CNTLN: variants seen among roughly 807,000 people sequenced by gnomAD.
CNTLN encodes centlein.
In CNTLN, 212 loss-of-function variants were observed where a neutral mutation model predicts 180.0. That is an observed-to-expected ratio of 1.18 (90% confidence interval 1.05 to 1.32). The LOEUF is 1.32. Among genes scored for constraint, CNTLN ranks in the 40% most tolerant of loss-of-function variants. The probability of loss-of-function intolerance (pLI) is 0.00; values close to 1 mark genes in which losing one functional copy is unlikely to be tolerated. For missense variants in CNTLN, 2,095 were observed against 1,610.9 expected, an observed-to-expected ratio of 1.30 and a Z score of -5.14; for synonymous variants, 722 against 563.1, an observed-to-expected ratio of 1.28 and a Z score of -3.99.
chr9:17,464,488 T>G lies in CNTLN; in HGVS notation c.3405-9T>G. ...TGTCACTCTTGATGTCACCTTTTTT[T>G]TTTTCAAGGATATCTCGAATGGAGA... On this transcript the variant is annotated splice_polypyrimidine_tract_variant and intron_variant, in intron 20 of 25. Coordinates refer to ENST00000380647, the MANE Select transcript of CNTLN (RefSeq NM_017738.4). The G allele has an allele frequency of 6.5e-7, 1 of 1,537,938 alleles. No homozygotes were observed. Among genetic ancestry groups the G allele is most frequent in the South Asian group, 1.3e-5 (1 of 78,680 alleles).
chr9:17,150,278 T>C (rs1052198447), intron 2 of CNTLN, among the ~76,000 whole-genome samples: 3 of 152,234 alleles, frequency 2.0e-5, no homozygotes, highest in Non-Finnish European at 4.4e-5. Context: ...ATTTTTATGG[T>C]CCTAGGTCTT....
chr9:17,363,499 G>GC (rs1823570562), intron 12 of CNTLN, among the ~76,000 whole-genome samples: 1 of 139,968 alleles, frequency 7.1e-6, no homozygotes, highest in South Asian at 2.3e-4. Flanking sequence ...ATTTGATACA[G>GC]TTTTTTTTTT....
chr9:17,242,450 G>C (rs573118293), intron 5 of CNTLN, among the ~76,000 whole-genome samples: 5 of 152,252 alleles, frequency 3.3e-5, no homozygotes, highest in Admixed American at 2.0e-4. Flanking sequence ...TGGGATCACA[G>C]GTATGCACCA....
At chr9:17,422,228 G>A (rs1240194264) in intron 18 of CNTLN, among the ~76,000 whole-genome samples, 1 of 152,110 alleles carries the variant, frequency 6.6e-6, no homozygotes, top group Non-Finnish European at 1.5e-5. Context: ...TTCCTGGCCT[G>A]TAAGGTTTCC....
chr9:17,512,118 C>T, the CNTLN span, among the ~76,000 whole-genome samples: 1 of 152,114 alleles, frequency 6.6e-6, no homozygotes, highest in Non-Finnish European at 1.5e-5. Context: ...AAACCAGTGT[C>T]AGAAATCTAC....
chr9:17,527,368 C>G, the CNTLN span, among the ~76,000 whole-genome samples: 1 of 152,160 alleles, frequency 6.6e-6, no homozygotes, highest in Non-Finnish European at 1.5e-5. Context: ...AAAACTAAAA[C>G]TTTTCAAGCA....
chr9:17,265,441 G>C (rs1420740331), intron 5 of CNTLN, among the ~76,000 whole-genome samples: 9 of 152,148 alleles, frequency 5.9e-5, no homozygotes, highest in Admixed American at 5.9e-4. Context: ...GATTCGGTTT[G>C]CCAGTATTTT....
intron 14 of CNTLN, among the ~76,000 whole-genome samples, chr9:17,392,120 A>T (rs1826161185): frequency 6.6e-6 from 1 of 152,154 alleles, no homozygotes; most frequent in South Asian, 2.1e-4. Context: ...ATAAAAAATT[A>T]GCCAAGTGTG....
intron 2 of CNTLN, among the ~76,000 whole-genome samples, chr9:17,151,351 C>A (rs80235935): frequency 6.6e-6 from 1 of 152,138 alleles, no homozygotes; most frequent in Non-Finnish European, 1.5e-5. Context: ...GAGTTTTTGG[C>A]ATGAATAGGT....
intron 2 of CNTLN, among the ~76,000 whole-genome samples, chr9:17,151,642 C>T (rs1215951526): frequency 2.0e-5 from 3 of 152,070 alleles, no homozygotes; most frequent in African/African-American, 7.2e-5. Flanking sequence ...GTGTCTCTGC[C>T]AGGTTTTGGT....
chr9:17,340,241 A>C (rs1292629708), intron 10 of CNTLN, among the ~76,000 whole-genome samples: 1 of 152,204 alleles, frequency 6.6e-6, no homozygotes, highest in Non-Finnish European at 1.5e-5. Flanking sequence ...CTTGTTTTAT[A>C]ACCTCTTTAA....
chr9:17,462,029 A>G (rs1353649402), intron 19 of CNTLN, among the ~76,000 whole-genome samples: 2 of 152,020 alleles, frequency 1.3e-5, no homozygotes, highest in East Asian at 3.9e-4. Context: ...AAGTAGCATT[A>G]TTAATAACTT....
chr9:17,135,469 GC>G, intron 1 of CNTLN, 44 bp downstream of exon 1: 2 of 1,552,600 alleles, frequency 1.3e-6, no homozygotes, highest in Non-Finnish European at 1.7e-6. Context: ...CCACAGCGGG[GC>G]CGGGACCCGT....
chr9:17,321,327 T>G (rs931737528), intron 8 of CNTLN, among the ~76,000 whole-genome samples: 2 of 152,216 alleles, frequency 1.3e-5, no homozygotes, highest in African/African-American at 4.8e-5. Flanking sequence ...TACCTCTTTC[T>G]GCATTAGCAG....
At chr9:17,331,298 T>A (rs1019868534) in intron 9 of CNTLN, among the ~76,000 whole-genome samples, 1 of 151,678 alleles carries the variant, frequency 6.6e-6, no homozygotes, top group African/African-American at 2.4e-5. Context: ...TTTTATAGAT[T>A]TAAAGGGATA....
At chr9:17,518,382 C>T in the CNTLN span, among the ~76,000 whole-genome samples, 6 of 152,044 alleles carry the variant, frequency 3.9e-5, no homozygotes, top group Non-Finnish European at 8.8e-5. Context: ...ATGCAGTATA[C>T]TGTTTATGTG....
chr9:17,180,346 T>TTATTA (rs57685282), intron 2 of CNTLN, among the ~76,000 whole-genome samples: 7,470 of 145,574 alleles, frequency 0.051, 252 homozygotes, highest in East Asian at 0.19. Context: ...GTTGCTCTAA[T>TTATTA]TATTATATTA....
intron 2 of CNTLN, among the ~76,000 whole-genome samples, chr9:17,222,596 A>T (rs1333551285): frequency 2.0e-5 from 3 of 151,954 alleles, no homozygotes; most frequent in Non-Finnish European, 2.9e-5. Flanking sequence ...TCCTGCCATG[A>T]TTCTGAGGCC....
chr9:17,182,572 G>A (rs1170311955), intron 2 of CNTLN, among the ~76,000 whole-genome samples: 1 of 152,148 alleles, frequency 6.6e-6, no homozygotes, highest in African/African-American at 2.4e-5. Flanking sequence ...AATTTATTTT[G>A]TCATTGTATT....
Sources: allele counts gnomAD v4.1 joint callset (sites outside exome capture counted in the v4.1 genomes callset), GRCh38; gene constraint gnomAD v4.1.1; transcripts MANE v1.5; gene names NCBI Gene and HGNC (gene_info 2026-07-23, HGNC 2026-07-21).